Variants in PLCH1 observed in about 807,000 individuals in gnomAD.
PLCH1 encodes the protein phospholipase C eta 1.
In PLCH1, 60 loss-of-function variants were observed where a neutral mutation model predicts 126.7. The observed-to-expected ratio is 0.47, with a 90% CI of 0.38 to 0.59. The LOEUF is 0.59. Among genes scored for constraint, PLCH1 ranks in the 20% least tolerant of loss-of-function variants. PLCH1 has a pLI of 0.00. For missense variants in PLCH1, 1,723 were observed against 2,040.0 expected (o/e 0.84, Z 2.99); for synonymous variants, 719 against 734.9 (o/e 0.98, Z 0.35).
intron 13 of PLCH1, among the ~76,000 whole-genome samples, chr3:155,502,777 T>C (rs1003557176): frequency 2.6e-5 from 4 of 152,244 alleles, no homozygotes; most frequent in African/African-American, 7.2e-5. Context: ...CATCTTTTAA[T>C]GGCTGCATCA....
chr3:155,500,086 C>T (rs1476839112), intron 14 of PLCH1, among the ~76,000 whole-genome samples: 1 of 152,024 alleles, frequency 6.6e-6, no homozygotes, highest in Non-Finnish European at 1.5e-5. Flanking sequence ...AAATAAACTG[C>T]CAGGAACTCC....
At position 155,487,379 on chromosome 3, in the gene PLCH1, C is replaced by T. The variant is rs1464138615; in HGVS notation, c.2619+649G>A. 2.0e-5 allele frequency among the ~76,000 whole-genome samples: 3 copies of T among 152,146 alleles called. No individual in the cohort carries two copies. The East Asian group carries it at 5.8e-4, about 29-fold the overall frequency. On this transcript the variant is annotated intron_variant, in intron 21 of 22. Coordinates refer to ENST00000460012, the MANE Select transcript of PLCH1 (RefSeq NM_014996.4). Reference sequence around the variant, plus strand: ...CAGTCCCTCCAAATCCCGTGTGGTCCTGAAAATTCATACTGGTAACCAAGT... The same window carrying T: ...CAGTCCCTCCAAATCCCGTGTGGTCTTGAAAATTCATACTGGTAACCAAGT...
chr3:155,556,560 A>G (rs1726847480), intron 8 of PLCH1, among the ~76,000 whole-genome samples: 1 of 152,216 alleles, frequency 6.6e-6, no homozygotes, highest in African/African-American at 2.4e-5. Flanking sequence ...AGGCTTGGCT[A>G]TGATGTTCAG....
chr3:155,475,465 A>T (rs1199734628), downstream of PLCH1, among the ~76,000 whole-genome samples: 2 of 152,064 alleles, frequency 1.3e-5, no homozygotes, highest in African/African-American at 4.8e-5. Context: ...ATAAATAATA[A>T]AGATCAGAGC....
chr3:155,623,496 T>C (rs1736798604), intron 2 of PLCH1, among the ~76,000 whole-genome samples: 1 of 151,654 alleles, frequency 6.6e-6, no homozygotes, highest in African/African-American at 2.4e-5. Flanking sequence ...ATGAACACAA[T>C]AGATAGACCA....
At chr3:155,566,102 T>C (rs1728324077) in intron 7 of PLCH1, among the ~76,000 whole-genome samples, 1 of 143,862 alleles carries the variant, frequency 7.0e-6, no homozygotes, top group Non-Finnish European at 1.5e-5. Context: ...TATAACCTAA[T>C]ATATATATAC....
chr3:155,612,114 C>T (rs564034549), intron 2 of PLCH1, among the ~76,000 whole-genome samples: 1 of 151,932 alleles, frequency 6.6e-6, no homozygotes, highest in Admixed American at 6.6e-5. Flanking sequence ...GTCAAGAGTT[C>T]ATGAACAGCC....
intron 1 of PLCH1, among the ~76,000 whole-genome samples, chr3:155,730,848 G>A (rs1008769773): frequency 6.6e-6 from 1 of 152,178 alleles, no homozygotes; most frequent in African/African-American, 2.4e-5. Flanking sequence ...ACAGTGTGGA[G>A]AGATACCCTC....
At chr3:155,508,938 C>A (rs1450855000) in intron 12 of PLCH1, among the ~76,000 whole-genome samples, 1 of 99,754 alleles carries the variant, frequency 1.0e-5, no homozygotes, top group East Asian at 2.5e-4. Context: ...GGTACCAGTT[C>A]CTCCTTGTAC....
At chr3:155,551,034 TA>T (rs1387701450) in intron 9 of PLCH1, among the ~76,000 whole-genome samples, 2 of 152,200 alleles carry the variant, frequency 1.3e-5, no homozygotes, top group African/African-American at 4.8e-5. Context: ...GGTTTTACCC[TA>T]AAGTGCTAGA....
chr3:155,521,190 GAC>G (rs1220861982), intron 11 of PLCH1, among the ~76,000 whole-genome samples: 1 of 152,090 alleles, frequency 6.6e-6, no homozygotes, highest in African/African-American at 2.4e-5. Context: ...CATGCACACA[GAC>G]ACACACACAC....
chr3:155,739,321 G>A (rs557002898), intron 1 of PLCH1, among the ~76,000 whole-genome samples: 16 of 152,296 alleles, frequency 1.1e-4, no homozygotes, highest in Non-Finnish European at 2.1e-4. Context: ...TAAATCTTAG[G>A]ATGTCAGAAA....
At chr3:155,551,536 G>A (rs865880306) in intron 9 of PLCH1, among the ~76,000 whole-genome samples, 6 of 144,310 alleles carry the variant, frequency 4.2e-5, no homozygotes, top group African/African-American at 1.3e-4. Context: ...AACAGGGAAC[G>A]AGGCAATTAT....
chr3:155,564,892 GAGCTCAGAAAA>G lies in PLCH1; in HGVS notation c.1069+12_1069+22del. The G allele has an allele frequency of 1.3e-6, 2 of 1,543,760 alleles. No homozygotes were observed. The highest frequency in any genetic ancestry group is 1.8e-6 in the Non-Finnish European group (2 of 1,116,690). Reference sequence around the variant, plus strand: ...AGGACAGGGTCACCCATACACACCGGAGCTCAGAAAAAGTGCACGTACCTTCCACACAGCGA... The same window carrying G: ...AGGACAGGGTCACCCATACACACCGGAGTGCACGTACCTTCCACACAGCGA... On this transcript the variant is annotated intron_variant, in intron 8 of 22. Transcript: ENST00000460012.
chr3:155,655,440 A>AAAGAAG (rs3067533), intron 2 of PLCH1, among the ~76,000 whole-genome samples: 23,171 of 151,020 alleles, frequency 0.15, 1,941 homozygotes, highest in East Asian at 0.22. Context: ...AGAAAAAAAA[A>AAAGAAG]AAGAAGAAGA....
intron 1 of PLCH1, chr3:155,742,541 G>A (rs1263253477): frequency 6.6e-6 from 1 of 151,996 alleles, no homozygotes; most frequent in African/African-American, 2.4e-5. Context: ...ATTATCCCAT[G>A]ATCTGTTAAA....
At position 155,468,291 on chromosome 3, in the gene PLCH1, T is replaced by A. The variant is rs369671508; in HGVS notation, c.2938+17065A>T. ...ATAAAAAGCAAGAAACTAAATCATA[T>A]CACCAGAGAAAATCACCTTTACTAG... On this transcript the variant is annotated intron_variant, in intron 21 of 21. Coordinates refer to the PLCH1 transcript ENST00000494598. 5.9e-5 allele frequency among the ~76,000 whole-genome samples: 9 copies of A among 151,880 alleles called. No individual in the cohort carries two copies. In the East Asian group the frequency reaches 1.6e-3, roughly 26 times the overall value.
intron 8 of PLCH1, among the ~76,000 whole-genome samples, chr3:155,559,112 T>C (rs187472648): frequency 6.6e-6 from 1 of 152,328 alleles, no homozygotes; most frequent in Non-Finnish European, 1.5e-5. Context: ...TGTCATTCAA[T>C]GCTTGCTCCT....
intron 2 of PLCH1, among the ~76,000 whole-genome samples, chr3:155,678,004 C>T (rs953519947): frequency 2.6e-5 from 4 of 152,152 alleles, no homozygotes; most frequent in Admixed American, 2.6e-4. Context: ...AAGCAAGAGG[C>T]ATCTTGGGTT....
Sources: gnomAD v4.1 joint callset for allele counts (sites outside exome capture counted in the v4.1 genomes callset) on GRCh38, gnomAD v4.1.1 for gene constraint, MANE v1.5 for transcripts, NCBI Gene and HGNC (gene_info 2026-07-23, HGNC 2026-07-21) for gene names.